CSMD3: variants seen among roughly 807,000 people sequenced by gnomAD.
CSMD3 encodes CUB and sushi domain-containing protein 3.
CSMD3 carries 177 observed loss-of-function variants against 435.2 expected under a neutral mutation model. The ratio of observed to expected loss-of-function variants is 0.41; its 90% CI spans 0.36 to 0.46. CSMD3 has a LOEUF of 0.46. Ranked by LOEUF, CSMD3 falls within the 20% of genes least tolerant of loss-of-function variation. CSMD3 has a pLI of 0.34. For missense variants in CSMD3, 4,265 were observed against 4,504.6 expected, an observed-to-expected ratio of 0.95 and a Z score of 1.52; for synonymous variants, 1,656 against 1,520.5, an observed-to-expected ratio of 1.09 and a Z score of -2.07.
intron 4 of CSMD3, among the ~76,000 whole-genome samples, chr8:113,114,271 T>C (rs542090598): frequency 6.6e-6 from 1 of 152,184 alleles, no homozygotes; most frequent in Admixed American, 6.5e-5. Context: ...AGGGTTTCAA[T>C]AGAACGTGTG....
chr8:112,407,323 C>T (rs1586221710), intron 34 of CSMD3, among the ~76,000 whole-genome samples: 1 of 151,962 alleles, frequency 6.6e-6, no homozygotes, highest in East Asian at 1.9e-4. Flanking sequence ...CATACAATAT[C>T]AGATTTGAAA....
chr8:113,318,951 A>G (rs984589648), intron 1 of CSMD3, among the ~76,000 whole-genome samples: 6 of 151,846 alleles, frequency 4.0e-5, no homozygotes, highest in Non-Finnish European at 7.4e-5. Flanking sequence ...TTATCTCTCA[A>G]CGTGTATCTA....
chr8:113,105,944 A>G (rs2090462338), intron 4 of CSMD3, among the ~76,000 whole-genome samples: 1 of 152,234 alleles, frequency 6.6e-6, no homozygotes, highest in East Asian at 1.9e-4. Flanking sequence ...CAAGAGAAAA[A>G]TCATTAGAAA....
intron 12 of CSMD3, among the ~76,000 whole-genome samples, chr8:112,802,862 T>G (rs1187167363): frequency 6.6e-6 from 1 of 151,930 alleles, no homozygotes; most frequent in Non-Finnish European, 1.5e-5. Flanking sequence ...ATTTAAAATT[T>G]TAAATTTTAT....
Position 112,390,802 on chromosome 8 carries a change from A to T in CSMD3, c.5810-14T>A. On this transcript the variant is annotated splice_polypyrimidine_tract_variant and intron_variant, in intron 35 of 70. Transcript: ENST00000297405. ...CACCACAGGGCACTGAAAATAAAGC[A>T]GTCCAAGAGAGGGAGTTAATTCTAA... The T allele has an allele frequency of 5.6e-6, 9 of 1,612,400 alleles. No homozygotes were observed. The highest frequency in any genetic ancestry group is 7.6e-6 in the Non-Finnish European group (9 of 1,178,494).
At chr8:112,540,795 G>C (rs996438129) in intron 27 of CSMD3, among the ~76,000 whole-genome samples, 1 of 151,898 alleles carries the variant, frequency 6.6e-6, no homozygotes, top group Non-Finnish European at 1.5e-5. Context: ...GCATTCCAAT[G>C]GGATGAAGAG....
intron 5 of CSMD3, among the ~76,000 whole-genome samples, chr8:113,084,398 A>G (rs990042005): frequency 7.9e-5 from 12 of 152,094 alleles, no homozygotes; most frequent in Admixed American, 2.6e-4. Flanking sequence ...TTAACCAATT[A>G]GGTGAAAGAT....
rs2130852259 is a variant in CSMD3, at chr8:112,492,507, C to T, written c.5260G>A (p.Ala1754Thr). 1 of 1,613,872 alleles carries T rather than the reference C, an allele frequency of 6.2e-7. No homozygotes were observed. Among genetic ancestry groups the T allele is most frequent in the Non-Finnish European group, 8.5e-7 (1 of 1,179,814 alleles). ...TCCTTACCATGACAACTTGGCAAGGCTCTATTCCATCCAGGTCTTCCATCA... is the reference window on the plus strand; with the variant it reads ...TCCTTACCATGACAACTTGGCAAGGTTCTATTCCATCCAGGTCTTCCATCA... ...GDDGRPGWNR[A>T]LPSCHAPCGS... is the part of the protein sequence containing the mutation. The change falls in exon 31 of 71, where the codon GCC (alanine) becomes ACC (threonine). Residue 1754 changes from alanine (A) to threonine (T), a missense_variant. This residue lies in a region of CSMD3 where 3,255 missense variants were observed against 3,380.2 expected (regional missense o/e 0.96). Coordinates refer to ENST00000297405, the MANE Select transcript of CSMD3 (RefSeq NM_198123.2).
At chr8:113,318,358 C>G (rs982135173) in intron 1 of CSMD3, among the ~76,000 whole-genome samples, 5 of 152,140 alleles carry the variant, frequency 3.3e-5, no homozygotes, top group Admixed American at 3.3e-4. Context: ...GGAACACATA[C>G]AGAGAGTAAA....
intron 13 of CSMD3, among the ~76,000 whole-genome samples, chr8:112,777,008 C>T (rs530943130): frequency 4.6e-5 from 7 of 151,676 alleles, no homozygotes; most frequent in African/African-American, 1.7e-4. Flanking sequence ...AGCTTTTGTA[C>T]ATTTTTTAGT....
intron 22 of CSMD3, among the ~76,000 whole-genome samples, chr8:112,616,046 C>T (rs1269609821): frequency 6.6e-6 from 1 of 152,030 alleles, no homozygotes; most frequent in Non-Finnish European, 1.5e-5. Context: ...TAACTACAGG[C>T]ACAACTTAAT....
intron 3 of CSMD3, among the ~76,000 whole-genome samples, chr8:113,187,673 A>C (rs2092527751): frequency 1.3e-5 from 2 of 152,010 alleles, no homozygotes; most frequent in Admixed American, 1.3e-4. Context: ...CATTTTAAAA[A>C]AGAGAAAGAG....
At chr8:112,938,784 G>C (rs529123094) in intron 9 of CSMD3, among the ~76,000 whole-genome samples, 16 of 152,078 alleles carry the variant, frequency 1.1e-4, no homozygotes, top group Admixed American at 7.9e-4. Flanking sequence ...CCACTACATT[G>C]AGGAAGAATT....
Position 112,724,630 on chromosome 8 carries a change from G to A in CSMD3, c.1973-34580C>T, listed in dbSNP as rs143345533. Among the ~76,000 whole-genome samples, 317 of 152,166 alleles carry A rather than the reference G, an allele frequency of 2.1e-3. 1 individual carries two copies. The highest frequency in any genetic ancestry group is 7.3e-3 in the African/African-American group (305 of 41,564). The stretch of plus-strand genomic sequence containing the variant: ...TTAGGTGTCCAAGTAGAGATTTCAA[G>A]AAAGCAGTGGATTGTCTAGAGGTCC... On this transcript the variant is annotated intron_variant, in intron 13 of 70. Transcript: ENST00000297405.
At chr8:113,063,668 T>C (rs1409675287) in intron 5 of CSMD3, among the ~76,000 whole-genome samples, 8 of 151,926 alleles carry the variant, frequency 5.3e-5, no homozygotes, top group Non-Finnish European at 1.2e-4. Context: ...TGTTACTGCA[T>C]TTTTACCTCT....
chr8:113,222,713 A>T (rs1038219306), intron 3 of CSMD3, among the ~76,000 whole-genome samples: 1 of 151,052 alleles, frequency 6.6e-6, no homozygotes, highest in African/African-American at 2.4e-5. Context: ...CATTTTCCCT[A>T]ATGAAAACAT....
At chr8:113,039,539 T>G (rs1168241640) in intron 5 of CSMD3, among the ~76,000 whole-genome samples, 1 of 152,152 alleles carries the variant, frequency 6.6e-6, no homozygotes, top group Non-Finnish European at 1.5e-5. Context: ...GATTGTCCCC[T>G]CCAGGATACT....
intron 19 of CSMD3, among the ~76,000 whole-genome samples, chr8:112,646,528 C>T (rs555047762): frequency 4.6e-5 from 7 of 152,206 alleles, no homozygotes; most frequent in South Asian, 2.1e-4. Flanking sequence ...ATTTTTTTGT[C>T]TGTAAGCTGT....
intron 13 of CSMD3, among the ~76,000 whole-genome samples, chr8:112,798,747 A>G (rs779754394): frequency 2.6e-5 from 4 of 151,894 alleles, no homozygotes; most frequent in Admixed American, 6.6e-5. Flanking sequence ...TTAATAATTC[A>G]TACAGTTTCT....
Sources: allele counts gnomAD v4.1 joint callset (sites outside exome capture counted in the v4.1 genomes callset), GRCh38; gene constraint gnomAD v4.1.1; regional missense constraint gnomAD v4.1.1; transcripts MANE v1.5; gene names NCBI Gene and HGNC (gene_info 2026-07-23, HGNC 2026-07-21).